SLC22A23: variants seen among roughly 807,000 people sequenced by gnomAD.
SLC22A23 encodes the protein solute carrier family 22 member 23.
Under a neutral mutation model 61.0 loss-of-function variants are expected in SLC22A23, and 26 were observed. The ratio of observed to expected loss-of-function variants is 0.43; its 90% CI spans 0.31 to 0.59. The LOEUF is 0.59. Among genes scored for constraint, SLC22A23 ranks in the 20% least tolerant of loss-of-function variants. The probability of loss-of-function intolerance (pLI) is 0.11; values close to 1 mark genes in which losing one functional copy is unlikely to be tolerated. For synonymous variants in SLC22A23, 430 were observed against 413.9 expected, an observed-to-expected ratio of 1.04 and a Z score of -0.47; for missense variants, 796 against 934.7, an observed-to-expected ratio of 0.85 and a Z score of 1.94.
intron 3 of SLC22A23, among the ~76,000 whole-genome samples, chr6:3,398,346 T>C (rs554670528): frequency 6.6e-6 from 1 of 151,140 alleles, no homozygotes; most frequent in Admixed American, 6.6e-5. Context: ...ACAAAGCAAA[T>C]AACAAGCAAG....
Position 3,324,567 on chromosome 6 carries a change from G to A in SLC22A23, c.914-565C>T, listed in dbSNP as rs564568687. ...ACCTACTCACACTGTGAGACAGAGG[G>A]AGACTGAGCTAAGTCTCAGCTTATC... On this transcript the variant is annotated intron_variant, in intron 3 of 9. Coordinates refer to ENST00000406686, the MANE Select transcript of SLC22A23 (RefSeq NM_015482.2). The surrounding 1 kb of genome is among the most constrained non-coding windows in gnomAD (Gnocchi z 4.3). Among the ~76,000 whole-genome samples the A allele has an allele frequency of 6.6e-6, 1 of 152,294 alleles. No homozygotes were observed. Among genetic ancestry groups the A allele is most frequent in the South Asian group, 2.1e-4 (1 of 4,832 alleles).
At chr6:3,371,543 G>A (rs926985187) in intron 3 of SLC22A23, among the ~76,000 whole-genome samples, 2 of 152,192 alleles carry the variant, frequency 1.3e-5, no homozygotes, top group African/African-American at 4.8e-5. Flanking sequence ...CTCCTGGATG[G>A]ACCCTCAGGC....
intron 3 of SLC22A23, among the ~76,000 whole-genome samples, chr6:3,368,211 C>G (rs765385187): frequency 1.3e-5 from 2 of 152,336 alleles, no homozygotes; most frequent in African/African-American, 2.4e-5. Flanking sequence ...GTTCCCCTCT[C>G]CAGCCCCTCA....
chr6:3,450,658 T>C (rs545717760), intron 1 of SLC22A23, among the ~76,000 whole-genome samples: 1 of 152,324 alleles, frequency 6.6e-6, no homozygotes, highest in South Asian at 2.1e-4. Context: ...TCAGCAAAAA[T>C]ATCATGCATT....
chr6:3,319,967 G>T (rs772796046), intron 4 of SLC22A23, among the ~76,000 whole-genome samples: 3 of 152,230 alleles, frequency 2.0e-5, no homozygotes, highest in Non-Finnish European at 4.4e-5. Context: ...CCAGCTCTGG[G>T]CTGAGTCCCT....
rs1408344781 is a variant in SLC22A23 at position 3,342,847 on chromosome 6, C to CATA, written c.914-18846_914-18845insTAT. Among the ~76,000 whole-genome samples the CATA allele has an allele frequency of 6.6e-6, 1 of 152,066 alleles. No homozygotes were observed. Among genetic ancestry groups the CATA allele is most frequent in the African/African-American group, 2.4e-5 (1 of 41,372 alleles). ...GACAAAGTTTAATCACATATGTATA[C>CATA]CGGCAGGAGAGTGCAAAAAATGGCT... is the stretch of plus-strand genomic sequence containing the variant. On this transcript the variant is annotated intron_variant, in intron 3 of 9. Transcript: ENST00000406686. The surrounding 1 kb of genome is among the most constrained non-coding windows in gnomAD (Gnocchi z 4.0).
intron 3 of SLC22A23, among the ~76,000 whole-genome samples, chr6:3,343,422 C>G (rs1383267183): frequency 2.0e-5 from 3 of 152,054 alleles, no homozygotes; most frequent in Non-Finnish European, 2.9e-5. Flanking sequence ...CCAGATTTAT[C>G]CTTTAAGAAC....
chr6:3,375,660 T>A (rs1766516887), intron 3 of SLC22A23, among the ~76,000 whole-genome samples: 1 of 152,220 alleles, frequency 6.6e-6, no homozygotes, highest in African/African-American at 2.4e-5. Context: ...AATGTGTATA[T>A]CTGTGTTGAA....
chr6:3,365,878 C>T (rs1347004130), intron 3 of SLC22A23, among the ~76,000 whole-genome samples: 1 of 152,170 alleles, frequency 6.6e-6, no homozygotes, highest in African/African-American at 2.4e-5. Context: ...GGCCGACATA[C>T]TTTGCTAACC....
intron 3 of SLC22A23, chr6:3,377,737 T>C (rs1160376948): frequency 2.6e-5 from 4 of 152,540 alleles, no homozygotes; most frequent in Admixed American, 2.6e-4. Context: ...GCAGAGGCTG[T>C]AGGTGGGGAA....
chr6:3,408,937 A>G lies in SLC22A23; in HGVS notation c.913+1251T>C, dbSNP rs565221403. On this transcript the variant is annotated intron_variant, in intron 3 of 9. Coordinates refer to ENST00000406686, the MANE Select transcript of SLC22A23 (RefSeq NM_015482.2). Reference sequence around the variant, plus strand: ...CAAGGGATTGCCTGAGGGCAGGACCAGGAGGCTTCTCCAGAAAAGTGCTTA... The same window carrying G: ...CAAGGGATTGCCTGAGGGCAGGACCGGGAGGCTTCTCCAGAAAAGTGCTTA... Among the ~76,000 whole-genome samples the G allele has an allele frequency of 7.4e-4, 113 of 152,380 alleles. 2 individuals carry two copies. The highest frequency in any genetic ancestry group is 4.4e-5 in the Non-Finnish European group (3 of 68,026).
chr6:3,300,102 C>T (rs1236301718), intron 4 of SLC22A23, among the ~76,000 whole-genome samples: 1 of 142,736 alleles, frequency 7.0e-6, no homozygotes, highest in Non-Finnish European at 1.5e-5. Context: ...CCTCCACCTG[C>T]TGGGTTCAAG....
intron 1 of SLC22A23, among the ~76,000 whole-genome samples, chr6:3,450,129 G>C (rs1010085948): frequency 6.6e-6 from 1 of 152,190 alleles, no homozygotes; most frequent in African/African-American, 2.4e-5. Context: ...TCTGAAGAGG[G>C]AAACTGGGGG....
chr6:3,300,267 C>T (rs1430759661), intron 4 of SLC22A23, among the ~76,000 whole-genome samples: 5 of 152,084 alleles, frequency 3.3e-5, no homozygotes, highest in African/African-American at 7.2e-5. Flanking sequence ...CCTCGGCCTC[C>T]CAAAATGCTG....
intron 9 of SLC22A23, chr6:3,282,330 G>T: frequency 1.4e-6 from 1 of 702,396 alleles, no homozygotes. Context: ...TGATGCAGAA[G>T]GTAGGGACAG....
In SLC22A23 at chr6:3,308,891, C is replaced by T. The variant is rs902481889; in HGVS notation, c.1083-10673G>A. ...CTGGGAGGCAGAGGTTGCAGTGAGC[C>T]GAGATTGTGCCACTGCACTCCAGCC... On this transcript the variant is annotated intron_variant, in intron 4 of 9. Coordinates refer to ENST00000406686, the MANE Select transcript of SLC22A23 (RefSeq NM_015482.2). This position sits in a 1 kb window ranked among gnomAD's most constrained non-coding sequence, Gnocchi z 5.1. Among the ~76,000 whole-genome samples, 3 of 151,606 alleles carry T rather than the reference C, an allele frequency of 2.0e-5. No individual in the cohort carries two copies. The highest frequency in any genetic ancestry group is 2.9e-5 in the Non-Finnish European group (2 of 67,938).
chr6:3,302,191 C>T (rs1242040971), intron 4 of SLC22A23, among the ~76,000 whole-genome samples: 1 of 152,142 alleles, frequency 6.6e-6, no homozygotes, highest in Admixed American at 6.5e-5. Flanking sequence ...GGAATTTATC[C>T]ATTTCCTTTA....
intron 1 of SLC22A23, among the ~76,000 whole-genome samples, chr6:3,422,740 T>C (rs567386197): frequency 6.6e-6 from 1 of 152,326 alleles, no homozygotes; most frequent in Non-Finnish European, 1.5e-5. Context: ...TTCTCTGTTC[T>C]TTAATGAATA....
At chr6:3,444,700 GC>G in intron 1 of SLC22A23, 1 of 722,520 alleles carries the variant, frequency 1.4e-6, no homozygotes, top group Non-Finnish European at 1.7e-6. Context: ...GAGCCCTGTG[GC>G]CCGGTGACCT....
Sources: gnomAD v4.1 joint callset for allele counts (sites outside exome capture counted in the v4.1 genomes callset) on GRCh38, gnomAD v4.1.1 for gene constraint, Gnocchi (gnomAD v3.1) non-coding constraint, MANE v1.5 for transcripts, NCBI Gene and HGNC (gene_info 2026-07-23, HGNC 2026-07-21) for gene names.